The following ANKRD28 variants were observed in gnomAD, a reference collection of about 807,000 sequenced individuals.
ANKRD28 encodes ankyrin repeat domain 28.
In ANKRD28, 44 loss-of-function variants were observed where a neutral mutation model predicts 126.5. The observed-to-expected ratio is 0.35, with a 90% confidence interval of 0.27 to 0.45. The LOEUF is 0.45. Among genes scored for constraint, ANKRD28 ranks in the 20% least tolerant of loss-of-function variants. The pLI is 1.00. For synonymous variants in ANKRD28, 442 were observed against 468.5 expected, an observed-to-expected ratio of 0.94 and a Z score of 0.73; for missense variants, 1,110 against 1,316.6, an observed-to-expected ratio of 0.84 and a Z score of 2.43.
chr3:15,677,430 G>T, intron 25 of ANKRD28, 50 bp downstream of exon 25: 1 of 1,399,388 alleles, frequency 7.1e-7, no homozygotes, highest in Non-Finnish European at 1.0e-6. Flanking sequence ...AACTTTTAAG[G>T]TCACTGTTAA....
At chr3:15,809,027 G>T (rs1188321955) in intron 1 of ANKRD28, among the ~76,000 whole-genome samples, 2 of 145,518 alleles carry the variant, frequency 1.4e-5, no homozygotes, top group African/African-American at 2.6e-5. Flanking sequence ...ATCTCTTTTT[G>T]GACAATCTCA....
chr3:15,719,742 T>G (rs879863007), intron 8 of ANKRD28, among the ~76,000 whole-genome samples: 91 of 152,086 alleles, frequency 6.0e-4, no homozygotes, highest in African/African-American at 2.1e-3. Flanking sequence ...TTGGTAGAGA[T>G]AGAGGTCTTG....
At chr3:15,753,620 G>A (rs1443180520) in intron 3 of ANKRD28, among the ~76,000 whole-genome samples, 1 of 152,180 alleles carries the variant, frequency 6.6e-6, no homozygotes, top group Non-Finnish European at 1.5e-5. Context: ...CATGAGGGAT[G>A]CTGAGAAGTC....
chr3:15,829,752 T>C (rs1311334849), intron 1 of ANKRD28, among the ~76,000 whole-genome samples: 2 of 152,148 alleles, frequency 1.3e-5, no homozygotes, highest in East Asian at 3.8e-4. Context: ...ACAGATTTAC[T>C]CAAATTCTAA....
intron 2 of ANKRD28, among the ~76,000 whole-genome samples, chr3:15,771,114 G>T (rs1211220155): frequency 6.6e-6 from 1 of 152,098 alleles, no homozygotes; most frequent in African/African-American, 2.4e-5. Context: ...GGCTGTATAA[G>T]AAGCATGGCA....
intron 27 of ANKRD28, 57 bp from the exon 28 acceptor site, chr3:15,670,613 AC>A: frequency 2.6e-6 from 4 of 1,524,370 alleles, no homozygotes; most frequent in Non-Finnish European, 3.6e-6. Context: ...TTCACCAAAG[AC>A]AAGGAAATAA....
In ANKRD28 at chr3:15,690,084, A is replaced by G; in HGVS notation, c.1898T>C (p.Ile633Thr). 1 of 1,612,478 alleles carries G rather than the reference A, an allele frequency of 6.2e-7. No homozygotes were observed. The highest frequency in any genetic ancestry group is 1.3e-5 in the African/African-American group (1 of 75,028). ...KGHVECVDVL[I>T]NQGASILVKD... is the part of the protein sequence containing the mutation. ...TACTAAGATTGAGGCTCCCTGATTA[A>G]TGAGTACATCCACACATTCAACATG... Residue 633 changes from isoleucine (I) to threonine (T), a missense_variant, in exon 18 of 28, where the codon ATT (isoleucine) becomes ACT (threonine). By Grantham distance (89) the Ile-to-Thr change is moderately conservative. Coordinates refer to ENST00000683139, the MANE Select transcript of ANKRD28 (RefSeq NM_001349278.2).
intron 1 of ANKRD28, among the ~76,000 whole-genome samples, chr3:15,809,111 T>C (rs368971260): frequency 4.6e-5 from 7 of 152,184 alleles, no homozygotes; most frequent in African/African-American, 1.7e-4. Context: ...TGTTGGTTAA[T>C]AGTAATGGCA....
chr3:15,690,896 G>T (rs540402618), intron 17 of ANKRD28, among the ~76,000 whole-genome samples: 1 of 152,214 alleles, frequency 6.6e-6, no homozygotes, highest in East Asian at 1.9e-4. Context: ...TCACAGTTCA[G>T]TGCTCCACAT....
Position 15,766,322 on chromosome 3 carries a change from T to C in ANKRD28, c.202-10A>G. The C allele has an allele frequency of 6.3e-7, 1 of 1,599,510 alleles. No homozygotes were observed. Among genetic ancestry groups the C allele is most frequent in the South Asian group, 1.1e-5 (1 of 89,132 alleles). On this transcript the variant is annotated splice_polypyrimidine_tract_variant and intron_variant, in intron 2 of 27. Transcript: ENST00000683139. ...TTCGCTTTTCATTGTCCTGTGATAA[T>C]AAGGAAAGGTGGGAAATAAGTTTTA...
Position 15,815,143 on chromosome 3 carries a change from A to G in ANKRD28, c.28-19837T>C, listed in dbSNP as rs2060807300. The stretch of plus-strand genomic sequence containing the variant: ...TCTTGTATAATACTTTTCCCAAGAT[A>G]AAAAATAAAATTCCCACAAGTTAAT... On this transcript the variant is annotated intron_variant, in intron 1 of 27. Transcript: ENST00000399451. This position sits in a 1 kb window ranked among gnomAD's most constrained non-coding sequence, Gnocchi z 4.1. Among the ~76,000 whole-genome samples, 2 of 151,960 alleles carry G rather than the reference A, an allele frequency of 1.3e-5. No individual in the cohort carries two copies. The highest frequency in any genetic ancestry group is 2.4e-5 in the African/African-American group (1 of 41,406).
intron 3 of ANKRD28, among the ~76,000 whole-genome samples, chr3:15,753,484 T>G (rs1329504834): frequency 6.6e-6 from 1 of 152,248 alleles, no homozygotes; most frequent in Non-Finnish European, 1.5e-5. Flanking sequence ...TTTATATTTA[T>G]GTGCACATGC....
intron 1 of ANKRD28, among the ~76,000 whole-genome samples, chr3:15,856,647 G>A (rs1161886459): frequency 1.3e-5 from 2 of 152,174 alleles, no homozygotes; most frequent in African/African-American, 2.4e-5. Flanking sequence ...AAGCAATGCA[G>A]TAATAACTTC....
chr3:15,783,047 C>G (rs1005580451), intron 2 of ANKRD28, among the ~76,000 whole-genome samples: 1 of 150,922 alleles, frequency 6.6e-6, no homozygotes, highest in Non-Finnish European at 1.5e-5. Flanking sequence ...TTTTAAGATA[C>G]AACACCAAAA....
At chr3:15,721,608 C>T (rs146102738) in intron 7 of ANKRD28, among the ~76,000 whole-genome samples, 152 of 152,120 alleles carry the variant, frequency 1.0e-3, no homozygotes, top group Non-Finnish European at 1.8e-3. Context: ...AAAAAATGAA[C>T]GGCATGTTCT....
intron 1 of ANKRD28, among the ~76,000 whole-genome samples, chr3:15,807,683 A>C (rs115369380): frequency 2.8e-4 from 43 of 152,344 alleles, no homozygotes; most frequent in African/African-American, 1.0e-3. Context: ...ATAATGCATA[A>C]TCTAGAAACC....
chr3:15,760,862 C>T (rs900819801), intron 3 of ANKRD28, among the ~76,000 whole-genome samples: 4 of 152,192 alleles, frequency 2.6e-5, no homozygotes, highest in African/African-American at 9.6e-5. Flanking sequence ...TGTTATTCCA[C>T]TCCAAACAGA....
chr3:15,806,370 GTGTGTC>G (rs1472270431), intron 1 of ANKRD28, among the ~76,000 whole-genome samples: 1 of 152,088 alleles, frequency 6.6e-6, no homozygotes, highest in Admixed American at 6.5e-5. Context: ...GAAATTTTTT[GTGTGTC>G]TGTGTTTTAC....
intron 3 of ANKRD28, among the ~76,000 whole-genome samples, chr3:15,755,924 C>A (rs2058129235): frequency 1.3e-5 from 2 of 152,148 alleles, no homozygotes; most frequent in Non-Finnish European, 2.9e-5. Context: ...AAAAGCACTG[C>A]TAAGAAACAA....
Sources: allele counts gnomAD v4.1 joint callset (sites outside exome capture counted in the v4.1 genomes callset), GRCh38; gene constraint gnomAD v4.1.1; non-coding constraint Gnocchi (gnomAD v3.1); transcripts MANE v1.5; gene names NCBI Gene and HGNC (gene_info 2026-07-23, HGNC 2026-07-21).